The following DYM variants were observed in gnomAD, a reference collection of about 807,000 sequenced individuals.
DYM encodes the protein dyggve-Melchior-Clausen syndrome protein.
In DYM, 78 loss-of-function variants were observed where a neutral mutation model predicts 93.1. The observed-to-expected ratio is 0.84, with a 90% CI of 0.70 to 1.01. The LOEUF (loss-of-function observed/expected upper bound fraction) is 1.01, where lower values mean the gene tolerates loss of function less well. DYM is among the 50% of genes least tolerant of loss of function. The pLI is 0.00. For synonymous variants in DYM, 321 were observed against 319.7 expected, an observed-to-expected ratio of 1.00 and a Z score of -0.04; for missense variants, 789 against 845.0, an observed-to-expected ratio of 0.93 and a Z score of 0.82.
intron 8 of DYM, among the ~76,000 whole-genome samples, chr18:49,296,665 C>T (rs1311627683): frequency 2.0e-5 from 3 of 152,148 alleles, no homozygotes; most frequent in Non-Finnish European, 4.4e-5. Flanking sequence ...GGACTTTTTA[C>T]TAAATGTTTA....
At chr18:49,409,341 T>C (rs879813077) in intron 2 of DYM, among the ~76,000 whole-genome samples, 5 of 151,220 alleles carry the variant, frequency 3.3e-5, no homozygotes, top group Non-Finnish European at 5.9e-5. Context: ...AATAAAAAAT[T>C]CTGGATTATA....
intron 6 of DYM, among the ~76,000 whole-genome samples, chr18:49,338,195 C>A (rs1847753535): frequency 6.6e-6 from 1 of 152,128 alleles, no homozygotes; most frequent in African/African-American, 2.4e-5. Flanking sequence ...TTATCAAAAA[C>A]AAAACAGCAT....
rs2071126212 is a variant in DYM at position 49,043,933 on chromosome 18, G to A, written c.*122C>T. The A allele has an allele frequency of 2.5e-6, 3 of 1,203,702 alleles. No homozygotes were observed. Among genetic ancestry groups the A allele is most frequent in the Admixed American group, 4.1e-5 (2 of 48,800 alleles). The allele number at this position is 1,203,702 out of a possible 1,614,324, so 74.6% of individuals were successfully genotyped here. A position where few individuals can be genotyped will look rare whatever the true frequency, so the allele number is the denominator to read the frequency against. On this transcript the variant is annotated 3_prime_UTR_variant, in exon 18 of 18. Transcript: ENST00000675505. ...CAAAGTGTGTGAGGAAAACACACTCGTGCAATCCTCTTTAACAGAAGATAC... is the reference window on the plus strand; with the variant it reads ...CAAAGTGTGTGAGGAAAACACACTCATGCAATCCTCTTTAACAGAAGATAC...
intron 16 of DYM, among the ~76,000 whole-genome samples, chr18:49,100,576 G>C (rs2080034369): frequency 6.6e-6 from 1 of 152,134 alleles, no homozygotes. Flanking sequence ...TTTTAAAGCT[G>C]ACATTCTCAT....
In DYM at chr18:49,375,137, G is replaced by A. The variant is rs1179063775; in HGVS notation, c.421+3430C>T. Among the ~76,000 whole-genome samples the A allele has an allele frequency of 4.6e-5, 7 of 151,546 alleles. No individual in the cohort carries two copies. The East Asian group carries it at 1.4e-3, about 29-fold the overall frequency. ...ATTTTTATCCAAGGGAAATACTCGT[G>A]GGGCAGCCCCTAAACACCTGGGGCT... On this transcript the variant is annotated intron_variant, in intron 5 of 17. Coordinates refer to ENST00000675505, the MANE Select transcript of DYM (RefSeq NM_001353214.3).
chr18:49,102,761 C>T (rs914346066), intron 16 of DYM, among the ~76,000 whole-genome samples: 29 of 152,276 alleles, frequency 1.9e-4, no homozygotes, highest in African/African-American at 6.3e-4. Context: ...TTTTTTATGG[C>T]TGCATAGTAT....
rs1301691046 is a variant in DYM, at chr18:49,036,639, C to T, written c.*7416G>A. 5.9e-5 allele frequency among the ~76,000 whole-genome samples: 9 copies of T among 152,086 alleles called. No individual in the cohort carries two copies. The highest frequency in any genetic ancestry group is 1.2e-4 in the Non-Finnish European group (8 of 68,012). ...TGACCACAGCTCACTGCAGCCTCTA[C>T]CTCCTGGGCTCAGGTAATCCTCCTA... On this transcript the variant is annotated 3_prime_UTR_variant, in exon 18 of 18. Transcript: ENST00000675505.
chr18:49,405,593 T>G (rs919318391), intron 2 of DYM, among the ~76,000 whole-genome samples: 1 of 152,246 alleles, frequency 6.6e-6, no homozygotes, highest in African/African-American at 2.4e-5. Context: ...TCCATTGGTC[T>G]GTTTTTGTGC....
At chr18:49,383,689 C>G (rs2068272422) in intron 3 of DYM, among the ~76,000 whole-genome samples, 1 of 152,182 alleles carries the variant, frequency 6.6e-6, no homozygotes, top group South Asian at 2.1e-4. Context: ...ATTGTATAAA[C>G]CAGATATATT....
intron 6 of DYM, among the ~76,000 whole-genome samples, chr18:49,341,076 T>TA (rs1259018297): frequency 1.3e-5 from 2 of 152,242 alleles, no homozygotes; most frequent in South Asian, 4.1e-4. Context: ...GCACTTCTGC[T>TA]AACTGAACTA....
chr18:49,371,554 G>C (rs921977668), intron 5 of DYM, among the ~76,000 whole-genome samples: 1 of 152,058 alleles, frequency 6.6e-6, no homozygotes, highest in African/African-American at 2.4e-5. Context: ...ACAAACAGCA[G>C]ATTTAGGCCC....
At chr18:49,274,837 T>A (rs1394327103) in intron 10 of DYM, among the ~76,000 whole-genome samples, 1 of 152,146 alleles carries the variant, frequency 6.6e-6, no homozygotes, top group Non-Finnish European at 1.5e-5. Flanking sequence ...GGGTTGTCCT[T>A]CTACTATTGG....
intron 9 of DYM, among the ~76,000 whole-genome samples, chr18:49,282,758 A>G (rs1039708159): frequency 3.3e-5 from 5 of 152,220 alleles, no homozygotes; most frequent in Non-Finnish European, 7.3e-5. Flanking sequence ...GCTAGGCAAA[A>G]GGCCCACCAA....
At chr18:49,258,809 CACACACACACACAGAG>C (rs1226455463) in intron 11 of DYM, among the ~76,000 whole-genome samples, 5 of 136,882 alleles carry the variant, frequency 3.7e-5, no homozygotes, top group East Asian at 2.5e-4. Flanking sequence ...CACACACACA[CACACACACACACAGAG>C]ACACACACAC....
intron 17 of DYM, among the ~76,000 whole-genome samples, chr18:49,056,406 G>A (rs2075485818): frequency 6.6e-6 from 1 of 152,216 alleles, no homozygotes; most frequent in South Asian, 2.1e-4. Flanking sequence ...CAGGCTACAT[G>A]CCACTGAGGA....
At chr18:49,160,306 C>T (rs1045171837) in intron 15 of DYM, among the ~76,000 whole-genome samples, 3 of 152,138 alleles carry the variant, frequency 2.0e-5, no homozygotes, top group African/African-American at 7.2e-5. Flanking sequence ...GATGTTCAGA[C>T]CAACATAGTT....
intron 17 of DYM, among the ~76,000 whole-genome samples, chr18:49,051,473 G>C: frequency 6.6e-6 from 1 of 152,182 alleles, no homozygotes; most frequent in South Asian, 2.1e-4. Flanking sequence ...AGACCAGTAA[G>C]GTCTAAAGGT....
chr18:49,339,631 G>A (rs1222786050), intron 6 of DYM, among the ~76,000 whole-genome samples: 5 of 152,148 alleles, frequency 3.3e-5, no homozygotes, highest in Admixed American at 6.5e-5. Flanking sequence ...GAAGCAAGGC[G>A]TCCCCCAGCT....
intron 8 of DYM, among the ~76,000 whole-genome samples, chr18:49,294,785 A>G (rs2060416551): frequency 6.6e-6 from 1 of 152,184 alleles, no homozygotes; most frequent in Admixed American, 6.5e-5. Flanking sequence ...AATCAGAACT[A>G]TACCAAAAAA....
Sources: gnomAD v4.1 joint callset for allele counts (sites outside exome capture counted in the v4.1 genomes callset) on GRCh38, gnomAD v4.1.1 for gene constraint, MANE v1.5 for transcripts, NCBI Gene and HGNC (gene_info 2026-07-23, HGNC 2026-07-21) for gene names.